Variants in FBXL13 observed in about 807,000 individuals in gnomAD.
FBXL13 encodes F-box and leucine rich repeat protein 13, also known as F-box and leucine-rich repeat protein 13.
FBXL13 carries 67 observed loss-of-function variants against 83.6 expected under a neutral mutation model. The observed-to-expected ratio is 0.80, with a 90% CI of 0.66 to 0.98. FBXL13 has a LOEUF of 0.98. FBXL13 is among the 50% of genes least tolerant of loss of function. The pLI, the probability that FBXL13 is intolerant of heterozygous loss-of-function variation, is 0.00. For missense variants in FBXL13, 822 were observed against 866.5 expected, an observed-to-expected ratio of 0.95 and a Z score of 0.64; for synonymous variants, 272 against 299.5, an observed-to-expected ratio of 0.91 and a Z score of 0.95.
At chr7:103,050,067 T>C (rs1200689829) in intron 2 of FBXL13, 1 of 152,282 alleles carries the variant, frequency 6.6e-6, no homozygotes, top group Non-Finnish European at 1.5e-5. Context: ...TATGAGGTTT[T>C]GGGCACACAT....
intron 1 of FBXL13, among the ~76,000 whole-genome samples, chr7:103,063,921 C>T (rs1055214888): frequency 6.6e-5 from 10 of 152,114 alleles, no homozygotes; most frequent in African/African-American, 2.4e-4. Flanking sequence ...TTTCAAGTAA[C>T]AAACTCAACT....
At chr7:103,056,678 G>C (rs1396825863) in intron 1 of FBXL13, among the ~76,000 whole-genome samples, 1 of 152,078 alleles carries the variant, frequency 6.6e-6, no homozygotes, top group African/African-American at 2.4e-5. Flanking sequence ...AGCTGGTCTT[G>C]AACTCCTGAC....
chr7:102,819,309 C>A (rs897295063), intron 19 of FBXL13, among the ~76,000 whole-genome samples: 2 of 152,090 alleles, frequency 1.3e-5, no homozygotes, highest in Non-Finnish European at 2.9e-5. Context: ...AATAAAGGAG[C>A]CTTTATCTTG....
At chr7:102,861,006 T>A (rs1042211438) in intron 16 of FBXL13, among the ~76,000 whole-genome samples, 1 of 151,792 alleles carries the variant, frequency 6.6e-6, no homozygotes, top group Admixed American at 6.6e-5. Flanking sequence ...CACATATATA[T>A]ATACACACAA....
intron 8 of FBXL13, chr7:102,939,653 T>A: frequency 7.5e-7 from 1 of 1,327,670 alleles, no homozygotes; most frequent in Non-Finnish European, 1.0e-6. Flanking sequence ...ATGGCAACAC[T>A]TATATACAGT....
intron 7 of FBXL13, among the ~76,000 whole-genome samples, chr7:102,966,933 C>T (rs1283853368): frequency 1.2e-4 from 18 of 152,088 alleles, no homozygotes; most frequent in Admixed American, 1.2e-3. Context: ...ATACCATCAC[C>T]CAGGTACACT....
intron 15 of FBXL13, among the ~76,000 whole-genome samples, chr7:102,878,041 T>C (rs1809504039): frequency 6.6e-6 from 1 of 152,070 alleles, no homozygotes; most frequent in African/African-American, 2.4e-5. Context: ...AAAAGGGAGA[T>C]TAGAGAAAAT....
chr7:102,945,658 T>C (rs778748727), intron 8 of FBXL13, among the ~76,000 whole-genome samples: 1 of 152,190 alleles, frequency 6.6e-6, no homozygotes, highest in Non-Finnish European at 1.5e-5. Flanking sequence ...TGCATTTAGA[T>C]AGTCATATTC....
At chr7:102,874,952 G>T (rs1809018615) in intron 16 of FBXL13, among the ~76,000 whole-genome samples, 1 of 152,156 alleles carries the variant, frequency 6.6e-6, no homozygotes, top group South Asian at 2.1e-4. Flanking sequence ...TTCCTCAAAT[G>T]CTAAAAACTA....
chr7:102,981,903 A>G (rs1424266487), intron 6 of FBXL13, among the ~76,000 whole-genome samples: 1 of 152,186 alleles, frequency 6.6e-6, no homozygotes, highest in Non-Finnish European at 1.5e-5. Context: ...AAATTCCATT[A>G]AAAGCCAAAA....
Position 102,883,464 on chromosome 7 carries a change from T to C in FBXL13, c.1229A>G (p.Asn410Ser), listed in dbSNP as rs562653260. 1.0e-5 allele frequency: 16 copies of C among 1,604,998 alleles called. No individual in the cohort carries two copies. The East Asian group carries it at 3.4e-4, about 34-fold the overall frequency. The change falls in exon 14 of 20, where the codon AAT becomes AGT. Residue 410 changes from asparagine (N) to serine (S), a missense_variant. Asn to Ser is a conservative substitution (Grantham distance 46). Transcript: ENST00000313221. ...GAAGGATGCATCAGTAACCCTTTTA[T>C]TTCCTGTTTTTAAAAAACAGAAGAA... is the stretch of plus-strand genomic sequence containing the variant.
chr7:102,998,573 A>T (rs754595479), intron 6 of FBXL13, among the ~76,000 whole-genome samples: 36 of 152,200 alleles, frequency 2.4e-4, no homozygotes, highest in Non-Finnish European at 4.0e-4. Flanking sequence ...GCATATATAA[A>T]TGCTACCGAT....
chr7:102,833,494 G>A (rs1019575966), intron 17 of FBXL13, among the ~76,000 whole-genome samples: 6 of 147,308 alleles, frequency 4.1e-5, no homozygotes, highest in Admixed American at 2.7e-4. Flanking sequence ...GTGCAATGGT[G>A]CAATCTGAGC....
intron 6 of FBXL13, among the ~76,000 whole-genome samples, chr7:103,012,229 G>T (rs971815240): frequency 6.6e-6 from 1 of 152,120 alleles, no homozygotes; most frequent in Non-Finnish European, 1.5e-5. Flanking sequence ...TACAAAATTA[G>T]CCGGGCGTGG....
intron 8 of FBXL13, chr7:102,939,593 C>G: frequency 6.2e-7 from 1 of 1,611,730 alleles, no homozygotes; most frequent in Non-Finnish European, 8.5e-7. Flanking sequence ...CTGGTAAGTT[C>G]CCCTGTATAG....
chr7:102,986,918 T>TATAC (rs1554491869), intron 6 of FBXL13, among the ~76,000 whole-genome samples: 4 of 148,292 alleles, frequency 2.7e-5, no homozygotes, highest in African/African-American at 5.0e-5. Flanking sequence ...GAAAATGTGA[T>TATAC]ACACACACAC....
intron 1 of FBXL13, among the ~76,000 whole-genome samples, chr7:103,071,865 G>C (rs1051642491): frequency 6.6e-6 from 1 of 152,090 alleles, no homozygotes; most frequent in Non-Finnish European, 1.5e-5. Flanking sequence ...CAGAAGATGG[G>C]TTTTAGAAAA....
intron 8 of FBXL13, among the ~76,000 whole-genome samples, chr7:102,947,407 G>A (rs1415822890): frequency 6.6e-6 from 1 of 152,164 alleles, no homozygotes; most frequent in Non-Finnish European, 1.5e-5. Context: ...TGGAAATAAA[G>A]CTCCTGAACA....
intron 14 of FBXL13, among the ~76,000 whole-genome samples, chr7:102,878,748 CAAGTT>C (rs1459754375): frequency 6.6e-6 from 1 of 152,014 alleles, no homozygotes; most frequent in East Asian, 1.9e-4. Context: ...AAAAAGTGAT[CAAGTT>C]AAGTAGTCCC....
Sources: gnomAD v4.1 joint callset for allele counts (sites outside exome capture counted in the v4.1 genomes callset) on GRCh38, gnomAD v4.1.1 for gene constraint, MANE v1.5 for transcripts, NCBI Gene and HGNC (gene_info 2026-07-23, HGNC 2026-07-21) for gene names.